ADSS1: variants seen among roughly 807,000 people sequenced by gnomAD.
ADSS1 encodes adenylosuccinate synthetase isozyme 1.
In ADSS1, 57 loss-of-function variants were observed where a neutral mutation model predicts 59.1. The observed-to-expected ratio is 0.97, with a 90% CI of 0.78 to 1.20. The LOEUF is 1.20. ADSS1 is among the 50% of genes most tolerant of loss of function. ADSS1 has a pLI of 0.00. For synonymous variants in ADSS1, 247 were observed against 249.4 expected, an observed-to-expected ratio of 0.99 and a Z score of 0.09; for missense variants, 603 against 610.3, an observed-to-expected ratio of 0.99 and a Z score of 0.13.
At chr14:104,736,224 G>A (rs1386126567) in intron 2 of ADSS1, among the ~76,000 whole-genome samples, 1 of 152,232 alleles carries the variant, frequency 6.6e-6, no homozygotes, top group Non-Finnish European at 1.5e-5. Flanking sequence ...ACAGCAGGGA[G>A]GCCCTAAGCA....
At chr14:104,733,000 C>G (rs567153663) in intron 1 of ADSS1, among the ~76,000 whole-genome samples, 1 of 152,130 alleles carries the variant, frequency 6.6e-6, no homozygotes, top group Non-Finnish European at 1.5e-5. Context: ...CCTGTGCGCC[C>G]AGGGCTGACT....
intron 1 of ADSS1, among the ~76,000 whole-genome samples, chr14:104,732,711 C>T (rs1187206875): frequency 6.6e-6 from 1 of 152,232 alleles, no homozygotes. Flanking sequence ...CCCTCGACGC[C>T]TGCCCCCCCG....
chr14:104,744,527 G>C (rs967555496), intron 10 of ADSS1: 1 of 331,230 alleles, frequency 3.0e-6, no homozygotes, highest in Admixed American at 4.6e-5. Context: ...TTCTCACAAG[G>C]AGCATGTGGC....
intron 8 of ADSS1, 149 bp downstream of exon 8, chr14:104,741,392 C>G (rs926347048): frequency 1.8e-6 from 2 of 1,103,628 alleles, no homozygotes; most frequent in Non-Finnish European, 2.5e-6. Flanking sequence ...AAATGATCCT[C>G]GTGTCCTTAG....
intron 10 of ADSS1, chr14:104,744,251 G>C (rs8011805): frequency 2.6e-5 from 4 of 153,598 alleles, no homozygotes; most frequent in African/African-American, 9.7e-5. Flanking sequence ...GGGGGCACTC[G>C]AGGTACAGGG....
intron 8 of ADSS1, 123 bp from the exon 9 acceptor site, chr14:104,741,725 C>A (rs1891364986): frequency 7.6e-7 from 1 of 1,319,944 alleles, no homozygotes; most frequent in African/African-American, 1.5e-5. Context: ...GCTGGCGACC[C>A]CACGGAGGGG....
intron 12 of ADSS1, 144 bp from the exon 13 acceptor site, chr14:104,746,807 T>C: frequency 1.2e-6 from 1 of 838,624 alleles, no homozygotes; most frequent in South Asian, 1.7e-5. Flanking sequence ...CCTTCATAAC[T>C]TAAAAATTAG....
chr14:104,729,510 G>GGT (rs776622798), intron 1 of ADSS1, among the ~76,000 whole-genome samples: 1 of 128,066 alleles, frequency 7.8e-6, no homozygotes, highest in African/African-American at 2.9e-5. Flanking sequence ...GCGTCGGCGT[G>GGT]GGGGAGGAGC....
chr14:104,734,967 C>T (rs948846262), intron 1 of ADSS1, 53 bp from the exon 2 acceptor site: 17 of 1,523,346 alleles, frequency 1.1e-5, no homozygotes, highest in African/African-American at 5.5e-5. Context: ...AGTCCATGTC[C>T]GGGGGGTCCT....
chr14:104,730,628 C>T (rs1254601570), intron 1 of ADSS1, among the ~76,000 whole-genome samples: 5 of 151,992 alleles, frequency 3.3e-5, no homozygotes, highest in Admixed American at 2.6e-4. Flanking sequence ...ATATAAAATG[C>T]CTGGAGGGAC....
At chr14:104,742,980 G>A in intron 9 of ADSS1, 87 bp from the exon 10 acceptor site, 3 of 1,576,840 alleles carry the variant, frequency 1.9e-6, no homozygotes, top group African/African-American at 1.3e-5. Context: ...TCTGAGAGCT[G>A]TGTGCAGGGA....
intron 11 of ADSS1, 174 bp downstream of exon 11, chr14:104,745,083 C>A: frequency 1.6e-6 from 1 of 614,590 alleles, no homozygotes; most frequent in East Asian, 2.9e-5. Context: ...CGGGTTTCTC[C>A]CCACAGCGTT....
At chr14:104,741,382 A>G in intron 8 of ADSS1, 139 bp downstream of exon 8, 1 of 1,172,562 alleles carries the variant, frequency 8.5e-7, no homozygotes, top group African/African-American at 1.5e-5. Context: ...ATGCCCGCGG[A>G]AATGATCCTC....
At chr14:104,738,980 A>G (rs1891227606) in intron 3 of ADSS1, among the ~76,000 whole-genome samples, 1 of 152,142 alleles carries the variant, frequency 6.6e-6, no homozygotes. Context: ...GGGTACCCAG[A>G]CTGAGGCCCT....
Position 104,740,845 on chromosome 14 carries a change from G to A in ADSS1, c.591G>A (p.Lys197=). Residue 197 remains lysine, a synonymous_variant, in exon 7 of 13, where the codon AAG becomes AAA. Coordinates refer to ENST00000330877, the MANE Select transcript of ADSS1 (RefSeq NM_152328.5). This position sits in a 1 kb window ranked among gnomAD's most constrained non-coding sequence, Gnocchi z 4.8. ...ATGACTGTCCCTTGTGCAGATTCAAGAACCTGGCCCACCAGCACCAGTCGA... is the reference window on the plus strand; with the variant it reads ...ATGACTGTCCCTTGTGCAGATTCAAAAACCTGGCCCACCAGCACCAGTCGA... The part of the protein sequence containing the change: ...SDFDEFSSRF[K]NLAHQHQSMF... 6.2e-7 allele frequency: 1 copy of A among 1,613,872 alleles called. No homozygotes were observed. Among genetic ancestry groups the A allele is most frequent in the Non-Finnish European group, 8.5e-7 (1 of 1,179,990 alleles).
chr14:104,735,217 G>C, intron 2 of ADSS1, 95 bp downstream of exon 2: 1 of 1,151,726 alleles, frequency 8.7e-7, no homozygotes, highest in Non-Finnish European at 1.3e-6. Context: ...CCAGAGCCTG[G>C]TGATGACTGC....
At chr14:104,730,135 C>A in intron 1 of ADSS1, 3 of 1,547,146 alleles carry the variant, frequency 1.9e-6, no homozygotes, top group Non-Finnish European at 2.6e-6. Flanking sequence ...GGAGGAGCCA[C>A]GGGTCAAATG....
intron 3 of ADSS1, 69 bp downstream of exon 3, chr14:104,738,507 C>T (rs1348899628): frequency 1.3e-6 from 2 of 1,557,570 alleles, no homozygotes; most frequent in East Asian, 4.5e-5. Context: ...TGGCTGGAGC[C>T]TTCCTGAGGG....
intron 10 of ADSS1, 197 bp from the exon 11 acceptor site, chr14:104,744,615 C>T: frequency 5.1e-6 from 3 of 583,366 alleles, no homozygotes; most frequent in Non-Finnish European, 9.2e-6. Context: ...GGAGCTCAGG[C>T]CGTAATGCTA....
Sources: allele counts gnomAD v4.1 joint callset (sites outside exome capture counted in the v4.1 genomes callset), GRCh38; gene constraint gnomAD v4.1.1; non-coding constraint Gnocchi (gnomAD v3.1); transcripts MANE v1.5; gene names NCBI Gene and HGNC (gene_info 2026-07-23, HGNC 2026-07-21).